NRG3: variants seen among roughly 807,000 people sequenced by gnomAD.
NRG3 encodes the protein neuregulin 3.
A neutral mutation model predicts 66.9 loss-of-function variants in NRG3; 31 were observed. The observed-to-expected ratio is 0.46, with a 90% CI of 0.35 to 0.63. NRG3 has a LOEUF of 0.63. Among genes scored for constraint, NRG3 ranks in the 20% least tolerant of loss-of-function variants. The pLI is 0.00. For synonymous variants in NRG3, 393 were observed against 359.4 expected, an observed-to-expected ratio of 1.09 and a Z score of -1.06; for missense variants, 910 against 878.9, an observed-to-expected ratio of 1.04 and a Z score of -0.45.
At chr10:82,906,013 C>A (rs1402944408) in intron 4 of NRG3, among the ~76,000 whole-genome samples, 1 of 152,164 alleles carries the variant, frequency 6.6e-6, no homozygotes, top group Non-Finnish European at 1.5e-5. Flanking sequence ...TTACCAAAAT[C>A]TTATCAAAAA....
chr10:82,015,045 A>G (rs2061726873), intron 1 of NRG3, among the ~76,000 whole-genome samples: 1 of 152,192 alleles, frequency 6.6e-6, no homozygotes, highest in Non-Finnish European at 1.5e-5. Context: ...TTAATCAAGT[A>G]TATTTCTCAA....
chr10:82,336,529 C>CTTTTTTTTTTTTTTTTTT (rs11345974), intron 1 of NRG3, among the ~76,000 whole-genome samples: 1 of 137,826 alleles, frequency 7.3e-6, no homozygotes, highest in Non-Finnish European at 1.6e-5. Flanking sequence ...CTTTTCTTTT[C>CTTTTTTTTTTTTTTTTTT]TTTTTTTTTT....
chr10:82,097,380 A>ACACT (rs1467165219), intron 1 of NRG3, among the ~76,000 whole-genome samples: 1 of 146,816 alleles, frequency 6.8e-6, no homozygotes, highest in Non-Finnish European at 1.5e-5. Context: ...ACACACACAC[A>ACACT]CACACACACA....
chr10:82,923,997 C>CT (rs1175355864), intron 4 of NRG3, among the ~76,000 whole-genome samples: 2 of 147,218 alleles, frequency 1.4e-5, no homozygotes, highest in Admixed American at 7.0e-5. Context: ...ACTCAGGAGG[C>CT]TGAGACACGA....
chr10:82,738,831 T>C (rs113585417), intron 3 of NRG3, among the ~76,000 whole-genome samples, 181 bp downstream of exon 3: 4 of 152,304 alleles, frequency 2.6e-5, no homozygotes, highest in African/African-American at 9.6e-5. Context: ...AGTCTAGGTC[T>C]TCTCTGACGA....
At chr10:82,589,259 T>C (rs1034323441) in intron 2 of NRG3, among the ~76,000 whole-genome samples, 3 of 152,212 alleles carry the variant, frequency 2.0e-5, no homozygotes, top group Non-Finnish European at 4.4e-5. Flanking sequence ...ATTATGAGGT[T>C]AGACAGAACC....
At chr10:82,465,012 A>G (rs1843136338) in intron 2 of NRG3, among the ~76,000 whole-genome samples, 1 of 152,146 alleles carries the variant, frequency 6.6e-6, no homozygotes, top group South Asian at 2.1e-4. Context: ...TGGGGGTGGT[A>G]GTAGGGAGTA....
intron 3 of NRG3, among the ~76,000 whole-genome samples, chr10:82,829,163 A>G (rs1400632281): frequency 6.6e-6 from 1 of 152,076 alleles, no homozygotes; most frequent in South Asian, 2.1e-4. Context: ...CCTATATTGG[A>G]TACAAAGTCT....
chr10:82,381,507 G>C (rs565352309), intron 2 of NRG3, among the ~76,000 whole-genome samples: 4 of 152,212 alleles, frequency 2.6e-5, no homozygotes, highest in South Asian at 2.1e-4. Flanking sequence ...GCAAGAAGGC[G>C]ATCAGCCTCC....
chr10:81,967,109 A>G (rs1589627230), intron 1 of NRG3, among the ~76,000 whole-genome samples: 1 of 151,762 alleles, frequency 6.6e-6, no homozygotes, highest in East Asian at 1.9e-4. Flanking sequence ...ATATATTTAT[A>G]TTTTAATAGG....
chr10:82,861,437 C>G (rs1259964249), intron 3 of NRG3, among the ~76,000 whole-genome samples: 1 of 152,134 alleles, frequency 6.6e-6, no homozygotes, highest in Non-Finnish European at 1.5e-5. Flanking sequence ...CCTACTTATC[C>G]TATTCAGTGT....
At chr10:81,969,347 A>G (rs1309334259) in intron 1 of NRG3, among the ~76,000 whole-genome samples, 5 of 152,234 alleles carry the variant, frequency 3.3e-5, no homozygotes, top group African/African-American at 1.2e-4. Context: ...AGACCTGCAA[A>G]TGCAAATCAA....
intron 1 of NRG3, among the ~76,000 whole-genome samples, chr10:82,063,170 A>G (rs1564783514): frequency 1.3e-5 from 2 of 152,174 alleles, no homozygotes; most frequent in Non-Finnish European, 2.9e-5. Flanking sequence ...GTGGTTCTAC[A>G]CTTATGATTC....
At chr10:82,589,710 A>G (rs1261095009) in intron 2 of NRG3, among the ~76,000 whole-genome samples, 1 of 152,228 alleles carries the variant, frequency 6.6e-6, no homozygotes, top group Non-Finnish European at 1.5e-5. Context: ...AATACAATGA[A>G]TCAGGTAACT....
intron 2 of NRG3, among the ~76,000 whole-genome samples, chr10:82,694,717 C>A (rs2055233723): frequency 6.6e-6 from 1 of 152,070 alleles, no homozygotes; most frequent in Non-Finnish European, 1.5e-5. Flanking sequence ...TGTGCCATTG[C>A]AACTCTAGCC....
chr10:82,779,539 C>T (rs2060036606), intron 3 of NRG3, among the ~76,000 whole-genome samples: 1 of 152,116 alleles, frequency 6.6e-6, no homozygotes, highest in Admixed American at 6.5e-5. Flanking sequence ...TCTAGTGAGA[C>T]ATCTTGATGA....
chr10:82,316,679 A>C (rs1006802144), intron 1 of NRG3, among the ~76,000 whole-genome samples: 3 of 152,206 alleles, frequency 2.0e-5, no homozygotes, highest in African/African-American at 7.2e-5. Context: ...CATTTCATAA[A>C]ACAAAACAAA....
intron 1 of NRG3, 120 bp downstream of exon 1, chr10:81,876,283 G>A: frequency 1.5e-6 from 2 of 1,379,060 alleles, no homozygotes; most frequent in South Asian, 2.8e-5. Context: ...CAGGTTTGGG[G>A]CAGAGTGAGA....
intron 3 of NRG3, among the ~76,000 whole-genome samples, chr10:82,832,722 T>C (rs942836306): frequency 6.6e-6 from 1 of 152,080 alleles, no homozygotes; most frequent in Non-Finnish European, 1.5e-5. Context: ...ATTATGTATT[T>C]GAGAAATATA....
Sources: gnomAD v4.1 joint callset for allele counts (sites outside exome capture counted in the v4.1 genomes callset) on GRCh38, gnomAD v4.1.1 for gene constraint, MANE v1.5 for transcripts, NCBI Gene and HGNC (gene_info 2026-07-23, HGNC 2026-07-21) for gene names.